The following PREX1 variants were observed in gnomAD, a reference collection of about 807,000 sequenced individuals.
PREX1 encodes the protein phosphatidylinositol 3,4,5-trisphosphate-dependent Rac exchanger 1 protein.
A neutral mutation model predicts 198.3 loss-of-function variants in PREX1; 41 were observed. The ratio of observed to expected loss-of-function variants is 0.21; its 90% CI spans 0.16 to 0.27. PREX1 has a LOEUF of 0.27. Among genes scored for constraint, PREX1 ranks in the 10% least tolerant of loss-of-function variants. The pLI is 1.00. For missense variants in PREX1, 1,620 were observed against 2,200.7 expected, an observed-to-expected ratio of 0.74 and a Z score of 5.28; for synonymous variants, 843 against 887.2, an observed-to-expected ratio of 0.95 and a Z score of 0.89.
At chr20:48,744,005 A>ATGT (rs2090095509) in intron 3 of PREX1, among the ~76,000 whole-genome samples, 1 of 149,318 alleles carries the variant, frequency 6.7e-6, no homozygotes, top group Admixed American at 6.7e-5. Context: ...GATGATGATG[A>ATGT]TGATGATGAT....
At chr20:48,783,765 T>C (rs192352275) in intron 1 of PREX1, among the ~76,000 whole-genome samples, 52 of 152,326 alleles carry the variant, frequency 3.4e-4, no homozygotes, top group African/African-American at 1.2e-3. Context: ...CATCTTAAAA[T>C]GTTTCTTCAG....
At position 48,629,618 on chromosome 20, in the gene PREX1, T is replaced by C. The variant is rs755438398; in HGVS notation, c.4597A>G (p.Ile1533Val). ...STTAVKIDQL[I>V]RPINALDELC... ...TCATCCAGGGCATTGATGGGGCGGA[T>C]CAGCTGTAGGGGGTACCACACATAA... The change falls in exon 37 of 40, where the codon ATC becomes GTC. Residue 1533 changes from isoleucine to valine, a missense_variant. Physicochemically the swap from Ile to Val is conservative, Grantham distance 29. This residue lies in a region of PREX1 where 476 missense variants were observed against 603.4 expected (regional missense o/e 0.79). Transcript: ENST00000371941. 2 of 1,613,958 alleles carry C rather than the reference T, an allele frequency of 1.2e-6. No individual in the cohort carries two copies. Among genetic ancestry groups the C allele is most frequent in the Non-Finnish European group, 1.7e-6 (2 of 1,179,922 alleles).
intron 8 of PREX1, 112 bp downstream of exon 8, chr20:48,692,560 G>T: frequency 1.2e-6 from 1 of 846,756 alleles, no homozygotes; most frequent in Non-Finnish European, 1.8e-6. Flanking sequence ...TTTTCTGTAG[G>T]TAGATTACAT....
intron 1 of PREX1, among the ~76,000 whole-genome samples, chr20:48,824,862 C>T (rs1000776885): frequency 6.6e-6 from 1 of 152,058 alleles, no homozygotes; most frequent in Non-Finnish European, 1.5e-5. Flanking sequence ...TTACTTTCCA[C>T]GGTTTCCATG....
At chr20:48,670,487 C>G (rs2089668267) in intron 14 of PREX1, among the ~76,000 whole-genome samples, 1 of 152,224 alleles carries the variant, frequency 6.6e-6, no homozygotes, top group African/African-American at 2.4e-5. Flanking sequence ...CCTGCTGACC[C>G]CCTGCCCTGC....
chr20:48,774,504 C>T (rs1020992267), intron 1 of PREX1, among the ~76,000 whole-genome samples: 2 of 152,234 alleles, frequency 1.3e-5, no homozygotes, highest in African/African-American at 2.4e-5. Flanking sequence ...AAATCCCAGA[C>T]CTACCCTTTT....
chr20:48,633,840 G>C (rs772376247), intron 33 of PREX1, among the ~76,000 whole-genome samples: 1 of 152,188 alleles, frequency 6.6e-6, no homozygotes, highest in Non-Finnish European at 1.5e-5. Flanking sequence ...GTGCAAGCAG[G>C]GCTGAGACGC....
At chr20:48,756,358 C>G (rs770211770) in intron 1 of PREX1, among the ~76,000 whole-genome samples, 6 of 152,246 alleles carry the variant, frequency 3.9e-5, no homozygotes, top group Admixed American at 6.5e-5. Flanking sequence ...TCAGAACCAA[C>G]TGAGGCTTTC....
At chr20:48,773,629 G>A (rs2090247426) in intron 1 of PREX1, among the ~76,000 whole-genome samples, 1 of 152,212 alleles carries the variant, frequency 6.6e-6, no homozygotes, top group African/African-American at 2.4e-5. Flanking sequence ...AACTGAGGCA[G>A]GAGTGAGCCC....
At chr20:48,712,657 C>G (rs2089937650) in intron 5 of PREX1, among the ~76,000 whole-genome samples, 1 of 152,168 alleles carries the variant, frequency 6.6e-6, no homozygotes, top group Admixed American at 6.5e-5. Context: ...GAATTGAAAC[C>G]AAGCAAGACC....
chr20:48,644,357 T>G, intron 27 of PREX1, 52 bp downstream of exon 27: 3 of 1,459,530 alleles, frequency 2.1e-6, no homozygotes, highest in Non-Finnish European at 2.9e-6. Flanking sequence ...AAACTAAATC[T>G]CATGGGGAGG....
At chr20:48,809,761 G>T (rs2090426424) in intron 1 of PREX1, among the ~76,000 whole-genome samples, 1 of 152,194 alleles carries the variant, frequency 6.6e-6, no homozygotes, top group South Asian at 2.1e-4. Flanking sequence ...CCCAGGCAGG[G>T]ACCCTCTAAC....
chr20:48,645,230 T>C (rs541715357), intron 26 of PREX1, among the ~76,000 whole-genome samples: 4 of 152,316 alleles, frequency 2.6e-5, no homozygotes, highest in South Asian at 2.1e-4. Context: ...CCACAAACAG[T>C]TGAAGCACCC....
Position 48,810,875 on chromosome 20 carries a change from C to T in PREX1, c.219+16767G>A, listed in dbSNP as rs191973691. On this transcript the variant is annotated intron_variant, in intron 1 of 39. Transcript: ENST00000371941. ...GCACTCCAGCCTGGGCGACAAGAGC[C>T]AGACTCCTCCTCAAAAAAAAAATAA... Among the ~76,000 whole-genome samples, 75 of 152,024 alleles carry T rather than the reference C, an allele frequency of 4.9e-4. 1 individual carries two copies. The East Asian group carries it at 0.014, about 29-fold the overall frequency.
intron 18 of PREX1, 136 bp from the exon 19 acceptor site, chr20:48,655,511 C>T (rs2089536149): frequency 1.5e-6 from 1 of 653,654 alleles, no homozygotes; most frequent in African/African-American, 1.9e-5. Context: ...AGTAGCACCA[C>T]CAGGCTTTCC....
chr20:48,734,383 G>A (rs1030915146), intron 4 of PREX1, among the ~76,000 whole-genome samples, 163 bp downstream of exon 4: 6 of 152,164 alleles, frequency 3.9e-5, no homozygotes, highest in African/African-American at 1.4e-4. Flanking sequence ...TCCCCAGCTG[G>A]CCCTTTATGG....
chr20:48,863,035 C>A, the PREX1 span, among the ~76,000 whole-genome samples: 1 of 151,758 alleles, frequency 6.6e-6, no homozygotes. Flanking sequence ...ACCAGGTTGC[C>A]TGGGCTGATC....
intron 1 of PREX1, among the ~76,000 whole-genome samples, chr20:48,760,507 C>T (rs1169579005): frequency 2.6e-5 from 4 of 152,030 alleles, no homozygotes; most frequent in African/African-American, 9.7e-5. Flanking sequence ...AGTCACCACA[C>T]TTCTGAGTCA....
intron 1 of PREX1, among the ~76,000 whole-genome samples, chr20:48,758,326 T>C (rs2090163862): frequency 6.6e-6 from 1 of 152,112 alleles, no homozygotes; most frequent in African/African-American, 2.4e-5. Flanking sequence ...TCCCTGAAAG[T>C]GACAGAGCAG....
Sources: allele counts gnomAD v4.1 joint callset (sites outside exome capture counted in the v4.1 genomes callset), GRCh38; gene constraint gnomAD v4.1.1; regional missense constraint gnomAD v4.1.1; transcripts MANE v1.5; gene names NCBI Gene and HGNC (gene_info 2026-07-23, HGNC 2026-07-21).